Variants in SLC24A2 observed in about 807,000 individuals in gnomAD.
SLC24A2 encodes the protein solute carrier family 24 member 2.
A neutral mutation model predicts 62.0 loss-of-function variants in SLC24A2; 36 were observed. The ratio of observed to expected loss-of-function variants is 0.58; its 90% CI spans 0.44 to 0.77. The LOEUF (loss-of-function observed/expected upper bound fraction) is 0.77. Among genes scored for constraint, SLC24A2 ranks in the 30% least tolerant of loss-of-function variants. SLC24A2 has a pLI of 0.00. For missense variants in SLC24A2, 846 were observed against 817.9 expected, an observed-to-expected ratio of 1.03 and a Z score of -0.42; for synonymous variants, 358 against 294.0, an observed-to-expected ratio of 1.22 and a Z score of -2.23.
chr9:20,300,774 A>G, the SLC24A2 span, among the ~76,000 whole-genome samples: 1 of 152,200 alleles, frequency 6.6e-6, no homozygotes, highest in East Asian at 1.9e-4. Flanking sequence ...GAGGTCTGGA[A>G]CTTATTAAAG....
At chr9:19,693,395 G>A (rs1404810947) in intron 2 of SLC24A2, among the ~76,000 whole-genome samples, 2 of 152,066 alleles carry the variant, frequency 1.3e-5, no homozygotes, top group African/African-American at 4.8e-5. Context: ...CATGGTAGGT[G>A]CACCATGACT....
the SLC24A2 span, among the ~76,000 whole-genome samples, chr9:20,105,660 G>C: frequency 6.6e-6 from 1 of 151,842 alleles, no homozygotes; most frequent in Non-Finnish European, 1.5e-5. Context: ...TGAGAACAAA[G>C]ACACAACATA....
the SLC24A2 span, among the ~76,000 whole-genome samples, chr9:19,968,719 T>G: frequency 1.3e-5 from 2 of 152,132 alleles, no homozygotes; most frequent in East Asian, 3.9e-4. Flanking sequence ...TTTACAGAGG[T>G]CCTTGGCCCT....
chr9:19,560,879 TTGTG>T (rs779469797), intron 7 of SLC24A2, among the ~76,000 whole-genome samples: 8 of 137,120 alleles, frequency 5.8e-5, no homozygotes, highest in South Asian at 2.5e-4. Context: ...GTCTTTGCAT[TTGTG>T]TGTGTGTGTG....
chr9:20,147,125 A>C, the SLC24A2 span, among the ~76,000 whole-genome samples: 2 of 152,190 alleles, frequency 1.3e-5, no homozygotes, highest in African/African-American at 4.8e-5. Context: ...CTGTTAAAGA[A>C]CAGAGAAATG....
At chr9:20,205,649 TAA>T in the SLC24A2 span, among the ~76,000 whole-genome samples, 11,488 of 65,054 alleles carry the variant, frequency 0.18, 456 homozygotes, top group East Asian at 0.44. Flanking sequence ...AGACTCCATC[TAA>T]AAAAAAAAAA....
chr9:19,855,180 T>C, the SLC24A2 span, among the ~76,000 whole-genome samples: 1 of 152,172 alleles, frequency 6.6e-6, no homozygotes, highest in Non-Finnish European at 1.5e-5. Context: ...AGCCTATGGG[T>C]GTCTTTGCAC....
intron 5 of SLC24A2, among the ~76,000 whole-genome samples, chr9:19,586,358 A>T (rs1481372627): frequency 4.6e-5 from 7 of 152,184 alleles, no homozygotes; most frequent in Non-Finnish European, 8.8e-5. Flanking sequence ...CATTAACACA[A>T]ACAACAAAGA....
chr9:20,137,753 A>C, the SLC24A2 span, among the ~76,000 whole-genome samples: 1 of 152,220 alleles, frequency 6.6e-6, no homozygotes, highest in South Asian at 2.1e-4. Context: ...AATATTTTTA[A>C]ACAGAGTCAA....
chr9:19,947,646 C>T, the SLC24A2 span, among the ~76,000 whole-genome samples: 2 of 151,380 alleles, frequency 1.3e-5, no homozygotes, highest in Admixed American at 1.3e-4. Context: ...AAAGAATTAG[C>T]CGGGCATGGT....
intron 2 of SLC24A2, among the ~76,000 whole-genome samples, chr9:19,653,511 A>G (rs917677292): frequency 6.6e-6 from 1 of 152,308 alleles, no homozygotes; most frequent in Middle Eastern, 3.4e-3. Flanking sequence ...TGATTTACCA[A>G]TGCTGATCAA....
At chr9:19,565,503 G>T (rs7865190) in intron 7 of SLC24A2, among the ~76,000 whole-genome samples, 1 of 147,966 alleles carries the variant, frequency 6.8e-6, no homozygotes, top group Admixed American at 6.7e-5. Context: ...ATGCTCATGG[G>T]TAGGAAGAAT....
intron 2 of SLC24A2, among the ~76,000 whole-genome samples, chr9:19,633,077 G>A (rs1037245932): frequency 5.3e-5 from 8 of 152,034 alleles, no homozygotes; most frequent in African/African-American, 1.9e-4. Context: ...TACTTTTCAG[G>A]TTTGCTTTTT....
chr9:20,115,271 G>T, the SLC24A2 span, among the ~76,000 whole-genome samples: 2 of 152,118 alleles, frequency 1.3e-5, no homozygotes, highest in African/African-American at 4.8e-5. Context: ...GATTGGTAAA[G>T]GGAGAACTTT....
At chr9:20,103,474 A>G in the SLC24A2 span, among the ~76,000 whole-genome samples, 2 of 152,148 alleles carry the variant, frequency 1.3e-5, no homozygotes, top group Non-Finnish European at 2.9e-5. Flanking sequence ...GACACCTCAC[A>G]TGGCCAGGTA....
At chr9:19,726,575 T>C (rs1821177114) in intron 2 of SLC24A2, among the ~76,000 whole-genome samples, 2 of 152,190 alleles carry the variant, frequency 1.3e-5, no homozygotes, top group South Asian at 4.1e-4. Context: ...TTCTCCAAAC[T>C]GAACAGAGTA....
At chr9:19,561,050 C>T (rs10964207) in intron 7 of SLC24A2, among the ~76,000 whole-genome samples, 40 of 152,072 alleles carry the variant, frequency 2.6e-4, no homozygotes, top group African/African-American at 8.0e-4. Context: ...CTCAGCCTCC[C>T]GAGTAGCTGG....
intron 2 of SLC24A2, among the ~76,000 whole-genome samples, chr9:19,627,390 G>C (rs1367053355): frequency 6.6e-6 from 1 of 152,190 alleles, no homozygotes; most frequent in Non-Finnish European, 1.5e-5. Context: ...AAGAGAAATT[G>C]TTTAGAGACA....
the SLC24A2 span, among the ~76,000 whole-genome samples, chr9:19,830,476 C>G: frequency 3.3e-5 from 5 of 152,162 alleles, no homozygotes; most frequent in Non-Finnish European, 7.3e-5. Flanking sequence ...AGGAAGCTGA[C>G]TCTTAGAAAG....
Sources: allele counts gnomAD v4.1 joint callset (sites outside exome capture counted in the v4.1 genomes callset), GRCh38; gene constraint gnomAD v4.1.1; transcripts MANE v1.5; gene names NCBI Gene and HGNC (gene_info 2026-07-23, HGNC 2026-07-21).